Variants in HDAC9 observed in about 807,000 individuals in gnomAD.
HDAC9 encodes MEF-2 interacting transcription repressor (MITR) protein.
HDAC9 carries 41 observed loss-of-function variants against 139.4 expected under a neutral mutation model. The observed-to-expected ratio is 0.29, with a 90% CI of 0.23 to 0.38. HDAC9 has a LOEUF of 0.38. HDAC9 is among the 10% of genes least tolerant of loss of function. The probability of loss-of-function intolerance (pLI) is 1.00; values close to 1 mark genes in which losing one functional copy is unlikely to be tolerated. For synonymous variants in HDAC9, 517 were observed against 476.2 expected (o/e 1.09, Z -1.12); for missense variants, 1,147 against 1,297.0 (o/e 0.88, Z 1.78).
intron 1 of HDAC9, among the ~76,000 whole-genome samples, chr7:18,331,251 C>T (rs186698852): frequency 3.3e-5 from 5 of 151,816 alleles, no homozygotes; most frequent in African/African-American, 1.2e-4. Flanking sequence ...GCATGTAATA[C>T]ATTTGTGAAT....
chr7:18,228,473 G>C (rs1176477869), intron 2 of HDAC9, among the ~76,000 whole-genome samples: 1 of 152,008 alleles, frequency 6.6e-6, no homozygotes, highest in Non-Finnish European at 1.5e-5. Context: ...GGAAATCCAA[G>C]ATATTAGATA....
At chr7:18,419,863 T>C (rs1456700816) in intron 1 of HDAC9, among the ~76,000 whole-genome samples, 1 of 152,168 alleles carries the variant, frequency 6.6e-6, no homozygotes, top group African/African-American at 2.4e-5. Flanking sequence ...ATTACAAGCA[T>C]ACACCATTAC....
intron 12 of HDAC9, among the ~76,000 whole-genome samples, chr7:18,686,571 A>G (rs1421453631): frequency 1.3e-5 from 2 of 151,930 alleles, no homozygotes; most frequent in Non-Finnish European, 2.9e-5. Flanking sequence ...TGCCTTATGT[A>G]TTAATGTTTT....
intron 2 of HDAC9, among the ~76,000 whole-genome samples, chr7:18,513,377 G>T (rs1360096820): frequency 6.6e-6 from 1 of 152,166 alleles, no homozygotes; most frequent in Non-Finnish European, 1.5e-5. Flanking sequence ...GAAATAGAGA[G>T]GTGATAATTT....
chr7:18,808,911 A>G (rs7794273), intron 17 of HDAC9, among the ~76,000 whole-genome samples: 67,884 of 151,860 alleles, frequency 0.45, 17,169 homozygotes, highest in African/African-American at 0.7. Context: ...AACGAAGATG[A>G]AGACATCACA....
Position 19,002,123 on chromosome 7 carries a change from T to C in HDAC9, c.*6061T>C, listed in dbSNP as rs1208434141. The C allele has an allele frequency of 1.3e-5, 2 of 152,106 alleles. No individual in the cohort carries two copies. The highest frequency in any genetic ancestry group is 6.5e-5 in the Admixed American group (1 of 15,278). 9.4% of individuals were successfully genotyped at this position (152,106 alleles called of 1,614,324 possible). On this transcript the variant is annotated 3_prime_UTR_variant, in exon 26 of 26. Coordinates refer to ENST00000686413, the MANE Select transcript of HDAC9 (RefSeq NM_178425.4). ...CTGAGAAAAATACATGTTGCCAAACTTTTCTTAAAATTGTGCTGCCAGTGG... is the reference window on the plus strand; with the variant it reads ...CTGAGAAAAATACATGTTGCCAAACCTTTCTTAAAATTGTGCTGCCAGTGG...
intron 2 of HDAC9, among the ~76,000 whole-genome samples, chr7:18,566,156 G>A (rs2128724684): frequency 6.6e-6 from 1 of 152,302 alleles, no homozygotes; most frequent in Non-Finnish European, 1.5e-5. Flanking sequence ...CATTGAGAGA[G>A]AAAATGGAAA....
chr7:18,972,958 C>A lies in HDAC9; in HGVS notation c.3023-2848C>A, dbSNP rs1390954758. Among the ~76,000 whole-genome samples the A allele has an allele frequency of 3.9e-5, 6 of 152,084 alleles. No individual in the cohort carries two copies. The South Asian group carries it at 8.3e-4, about 21-fold the overall frequency. Reference sequence around the variant, plus strand: ...TAAGTAATCTGCAATATACATAATTCTTTTAAGCTGAGAATTTTATAATTG... The same window carrying A: ...TAAGTAATCTGCAATATACATAATTATTTTAAGCTGAGAATTTTATAATTG... On this transcript the variant is annotated intron_variant, in intron 24 of 25. Transcript: ENST00000686413.
intron 2 of HDAC9, among the ~76,000 whole-genome samples, chr7:18,272,055 A>G (rs189684454): frequency 1.4e-4 from 21 of 152,318 alleles, no homozygotes; most frequent in Admixed American, 1.3e-3. Flanking sequence ...TTCATCACCA[A>G]TGTACTGATT....
intron 22 of HDAC9, among the ~76,000 whole-genome samples, chr7:18,930,062 G>A (rs1244914649): frequency 6.6e-6 from 1 of 152,142 alleles, no homozygotes; most frequent in African/African-American, 2.4e-5. Flanking sequence ...TTTAGTCAGT[G>A]CATCCCAATA....
chr7:18,602,237 A>G (rs1377565850), intron 6 of HDAC9, among the ~76,000 whole-genome samples: 2 of 152,078 alleles, frequency 1.3e-5, no homozygotes, highest in Admixed American at 6.5e-5. Context: ...ACTTGTCAGT[A>G]TAGAGTTATT....
upstream of HDAC9, among the ~76,000 whole-genome samples, chr7:18,491,796 C>T (rs1796387015): frequency 6.6e-6 from 1 of 151,916 alleles, no homozygotes; most frequent in South Asian, 2.1e-4. Context: ...TGTGTCTGTT[C>T]TATATGGGTC....
chr7:18,152,480 T>G (rs149083797), intron 1 of HDAC9, among the ~76,000 whole-genome samples: 52 of 152,330 alleles, frequency 3.4e-4, no homozygotes, highest in African/African-American at 1.1e-3. Context: ...TTCTCATACT[T>G]TAGCTTAGTT....
At chr7:18,395,187 A>G (rs1454685312) in intron 1 of HDAC9, 2 of 152,202 alleles carry the variant, frequency 1.3e-5, no homozygotes, top group Admixed American at 6.5e-5. Context: ...AGTTGAGGTA[A>G]GTTCAGGCTT....
intron 1 of HDAC9, among the ~76,000 whole-genome samples, chr7:18,407,629 A>G (rs936117181): frequency 1.3e-5 from 2 of 152,192 alleles, no homozygotes; most frequent in South Asian, 2.1e-4. Context: ...TAACATTACA[A>G]TGCAGTTTGA....
At chr7:18,930,957 C>T (rs1220987471) in intron 22 of HDAC9, among the ~76,000 whole-genome samples, 1 of 152,030 alleles carries the variant, frequency 6.6e-6, no homozygotes, top group South Asian at 2.1e-4. Flanking sequence ...CTCTTTCTTT[C>T]TTTAATCCAG....
At chr7:18,995,637 G>T (rs1585524687) in intron 25 of HDAC9, among the ~76,000 whole-genome samples, 1 of 152,310 alleles carries the variant, frequency 6.6e-6, no homozygotes, top group East Asian at 1.9e-4. Flanking sequence ...CCAGAAGCTA[G>T]CTGGGTCCTT....
intron 1 of HDAC9, among the ~76,000 whole-genome samples, chr7:18,313,449 C>G (rs1174494023): frequency 6.6e-6 from 1 of 152,144 alleles, no homozygotes; most frequent in African/African-American, 2.4e-5. Context: ...TGACCTGACA[C>G]TGAGAATTAT....
intron 2 of HDAC9, among the ~76,000 whole-genome samples, chr7:18,197,184 T>G (rs1170174501): frequency 6.6e-6 from 1 of 152,154 alleles, no homozygotes; most frequent in Non-Finnish European, 1.5e-5. Context: ...GCTCTGCAGC[T>G]TTTGGACTTG....
Sources: allele counts gnomAD v4.1 joint callset (sites outside exome capture counted in the v4.1 genomes callset), GRCh38; gene constraint gnomAD v4.1.1; transcripts MANE v1.5; gene names NCBI Gene and HGNC (gene_info 2026-07-23, HGNC 2026-07-21).